The following SRC variants were observed in gnomAD, a reference collection of about 807,000 sequenced individuals.
SRC encodes proto-oncogene tyrosine-protein kinase Src.
In SRC, 13 loss-of-function variants were observed where a neutral mutation model predicts 62.9. That is an observed-to-expected ratio of 0.21 (90% CI 0.13 to 0.33). SRC has a LOEUF of 0.33. Among genes scored for constraint, SRC ranks in the 10% least tolerant of loss-of-function variants. The pLI, the probability that SRC is intolerant of heterozygous loss-of-function variation, is 1.00. For missense variants in SRC, 457 were observed against 737.3 expected, an observed-to-expected ratio of 0.62 and a Z score of 4.40; for synonymous variants, 302 against 317.5, an observed-to-expected ratio of 0.95 and a Z score of 0.52.
intron 5 of SRC, 146 bp from the exon 6 acceptor site, chr20:37,393,749 T>C: frequency 1.6e-6 from 1 of 612,004 alleles, no homozygotes; most frequent in Non-Finnish European, 2.9e-6. Context: ...CCTGGCATGC[T>C]GTGGGGACTC....
chr20:37,361,660 G>A (rs2069972350), intron 1 of SRC, among the ~76,000 whole-genome samples: 1 of 152,262 alleles, frequency 6.6e-6, no homozygotes, highest in South Asian at 2.1e-4. Context: ...CCCATCAGGG[G>A]TGGGGCAGCT....
In SRC at chr20:37,397,157, C is replaced by A. The variant is rs985855678; in HGVS notation, c.704-542C>A. ...GCCACCCTTCCCCACCTGCTCCCTGCGCCCCTTTGTCCTCCGCTTCTCCAG... is the reference window on the plus strand; with the variant it reads ...GCCACCCTTCCCCACCTGCTCCCTGAGCCCCTTTGTCCTCCGCTTCTCCAG... On this transcript the variant is annotated intron_variant, in intron 8 of 13. Coordinates refer to ENST00000373578, the MANE Select transcript of SRC (RefSeq NM_198291.3). The surrounding 1 kb of genome is among the most constrained non-coding windows in gnomAD (Gnocchi z 4.1). Among the ~76,000 whole-genome samples, 1 of 152,182 alleles carries A rather than the reference C, an allele frequency of 6.6e-6. No homozygotes were observed. Among genetic ancestry groups the A allele is most frequent in the Non-Finnish European group, 1.5e-5 (1 of 68,026 alleles).
chr20:37,373,429 G>A (rs200640263), intron 2 of SRC, among the ~76,000 whole-genome samples: 1,143 of 93,342 alleles, frequency 0.012, 17 homozygotes, highest in African/African-American at 0.087. Flanking sequence ...ATATATGCGT[G>A]TATATACGCA....
At chr20:37,357,395 C>G (rs1315324754) in intron 1 of SRC, among the ~76,000 whole-genome samples, 1 of 152,188 alleles carries the variant, frequency 6.6e-6, no homozygotes, top group Non-Finnish European at 1.5e-5. Flanking sequence ...TGTGGGTGCC[C>G]TGCTTGCTCT....
intron 1 of SRC, 114 bp downstream of exon 1, chr20:37,346,369 C>CCCAATT (rs1371148584): frequency 6.6e-6 from 1 of 151,084 alleles, no homozygotes; most frequent in Admixed American, 6.6e-5. Flanking sequence ...TGTCCACCCC[C>CCCAATT]CCAATTCCCA....
At chr20:37,375,516 G>A (rs1451240711) in intron 2 of SRC, among the ~76,000 whole-genome samples, 2 of 152,124 alleles carry the variant, frequency 1.3e-5, no homozygotes, top group Non-Finnish European at 2.9e-5. Context: ...GGGATTACAT[G>A]CATGAGCCAA....
Position 37,396,556 on chromosome 20 carries a change from A to C in SRC, c.703+245A>C. 1 of 554,270 alleles carries C rather than the reference A, an allele frequency of 1.8e-6. No individual in the cohort carries two copies. The allele number at this position is 554,270 out of a possible 1,614,324, so 34.3% of individuals were successfully genotyped here. On this transcript the variant is annotated intron_variant, in intron 8 of 13. Coordinates refer to ENST00000373578, the MANE Select transcript of SRC (RefSeq NM_198291.3). The surrounding 1 kb of genome is among the most constrained non-coding windows in gnomAD (Gnocchi z 6.1). The stretch of plus-strand genomic sequence containing the variant: ...CTCTCCCTGCTCCACGCAGTGTCCC[A>C]CTGCCCGCCTTTCTCTGCAGCTGGC...
intron 2 of SRC, among the ~76,000 whole-genome samples, chr20:37,372,673 G>C (rs2070184264): frequency 6.6e-6 from 1 of 152,106 alleles, no homozygotes; most frequent in Admixed American, 6.6e-5. Context: ...GGCTGGTATG[G>C]TTTGAATTTG....
chr20:37,397,617 C>T lies in SRC; in HGVS notation c.704-82C>T. On this transcript the variant is annotated intron_variant, in intron 8 of 13. Coordinates refer to ENST00000373578, the MANE Select transcript of SRC (RefSeq NM_198291.3). The surrounding 1 kb of genome is among the most constrained non-coding windows in gnomAD (Gnocchi z 4.1). Reference sequence around the variant, plus strand: ...TCCCCTGAAATCTGTGTGCATCTGGCATGTAGGGCGACACACACTGAGGGG... The same window carrying T: ...TCCCCTGAAATCTGTGTGCATCTGGTATGTAGGGCGACACACACTGAGGGG... The T allele has an allele frequency of 1.4e-6, 2 of 1,446,678 alleles. No individual in the cohort carries two copies. Among genetic ancestry groups the T allele is most frequent in the South Asian group, 1.5e-5 (1 of 68,614 alleles). The allele number at this position is 1,446,678 out of a possible 1,614,324, so 89.6% of individuals were successfully genotyped here.
chr20:37,373,083 CAT>C (rs976285363), intron 2 of SRC, among the ~76,000 whole-genome samples: 2 of 150,220 alleles, frequency 1.3e-5, no homozygotes. Flanking sequence ...CACATATATA[CAT>C]ATATAAATAC....
At chr20:37,367,487 CTATTT>C (rs1405050958) in intron 2 of SRC, among the ~76,000 whole-genome samples, 1 of 151,822 alleles carries the variant, frequency 6.6e-6, no homozygotes, top group East Asian at 1.9e-4. Context: ...AGTTCTTTGC[CTATTT>C]TTATGATTAA....
At chr20:37,358,119 G>A (rs1302113730) in intron 1 of SRC, among the ~76,000 whole-genome samples, 1 of 152,242 alleles carries the variant, frequency 6.6e-6, no homozygotes, top group Non-Finnish European at 1.5e-5. Context: ...CAGCCTGAGA[G>A]GAGGAGGCTG....
In SRC at chr20:37,384,068, T is replaced by C. The variant is rs1211311521; in HGVS notation, c.-4-82T>C. On this transcript the variant is annotated intron_variant, in intron 3 of 13. Coordinates refer to ENST00000373578, the MANE Select transcript of SRC (RefSeq NM_198291.3). This position sits in a 1 kb window ranked among gnomAD's most constrained non-coding sequence, Gnocchi z 6.7. ...CTCTCCTTGGGCCTCGTTTTCCCTA[T>C]CTGTGGAATGGGTGGGAGGGAGGCC... 2.2e-5 allele frequency: 34 copies of C among 1,543,854 alleles called. No individual in the cohort carries two copies. Among genetic ancestry groups the C allele is most frequent in the Admixed American group, 7.6e-5 (4 of 52,934 alleles).
At chr20:37,357,583 G>C (rs1008180169) in intron 1 of SRC, among the ~76,000 whole-genome samples, 3 of 152,216 alleles carry the variant, frequency 2.0e-5, no homozygotes, top group African/African-American at 7.2e-5. Context: ...AGTGGCCCCC[G>C]TCCCCGTGAG....
chr20:37,384,003 TG>T lies in SRC; in HGVS notation c.-4-144del. ...CGCCCGCTTCGGCCTCCCAAAGTGCTGGGATTACAGGCGTGAGCCACCGCGC... is the reference window on the plus strand; with the variant it reads ...CGCCCGCTTCGGCCTCCCAAAGTGCTGGATTACAGGCGTGAGCCACCGCGC... On this transcript the variant is annotated intron_variant, in intron 3 of 13. Coordinates refer to ENST00000373578, the MANE Select transcript of SRC (RefSeq NM_198291.3). This position sits in a 1 kb window ranked among gnomAD's most constrained non-coding sequence, Gnocchi z 6.7. The T allele has an allele frequency of 9.2e-7, 1 of 1,083,492 alleles. No homozygotes were observed. The highest frequency in any genetic ancestry group is 1.3e-6 in the Non-Finnish European group (1 of 780,652). 67.1% of individuals were successfully genotyped at this position (1,083,492 alleles called of 1,614,324 possible).
chr20:37,347,729 C>G (rs1369498890), intron 1 of SRC, among the ~76,000 whole-genome samples: 1 of 152,176 alleles, frequency 6.6e-6, no homozygotes, highest in African/African-American at 2.4e-5. Context: ...TACTGAACAC[C>G]TTTTAGGAGG....
upstream of SRC, chr20:37,346,128 G>A (rs2069712887): frequency 6.6e-6 from 1 of 151,362 alleles, no homozygotes; most frequent in Non-Finnish European, 1.5e-5. Flanking sequence ...TGTCTCTCCC[G>A]GCCCGGAATC....
Position 37,396,503 on chromosome 20 carries a change from C to A in SRC, c.703+192C>A. ...GTCTCCTTCTTCTTCCTCTTCTTTCCCCCAGCCCCCCTCCTCCCTGTCCCC... is the reference window on the plus strand; with the variant it reads ...GTCTCCTTCTTCTTCCTCTTCTTTCACCCAGCCCCCCTCCTCCCTGTCCCC... On this transcript the variant is annotated intron_variant, in intron 8 of 13. Transcript: ENST00000373578. The surrounding 1 kb of genome is among the most constrained non-coding windows in gnomAD (Gnocchi z 6.1). The A allele has an allele frequency of 1.4e-6, 1 of 700,630 alleles. No homozygotes were observed. The highest frequency in any genetic ancestry group is 2.3e-6 in the Non-Finnish European group (1 of 428,574). The allele number at this position is 700,630 out of a possible 1,614,324, so 43.4% of individuals were successfully genotyped here.
At chr20:37,356,446 G>A (rs1458123118) in intron 1 of SRC, among the ~76,000 whole-genome samples, 1 of 152,142 alleles carries the variant, frequency 6.6e-6, no homozygotes, top group African/African-American at 2.4e-5. Context: ...TGGCCGCACT[G>A]AGAACAGATG....
Sources: allele counts gnomAD v4.1 joint callset (sites outside exome capture counted in the v4.1 genomes callset), GRCh38; gene constraint gnomAD v4.1.1; non-coding constraint Gnocchi (gnomAD v3.1); transcripts MANE v1.5; gene names NCBI Gene and HGNC (gene_info 2026-07-23, HGNC 2026-07-21).